Variants in GPHN observed in about 807,000 individuals in gnomAD.
The protein encoded by GPHN is gephyrin.
A neutral mutation model predicts 95.5 loss-of-function variants in GPHN; 17 were observed. That is an observed-to-expected ratio of 0.18 (90% confidence interval 0.12 to 0.27). The LOEUF is 0.27. GPHN is among the 10% of genes least tolerant of loss of function. The probability of loss-of-function intolerance (pLI) is 1.00; values close to 1 mark genes in which losing one functional copy is unlikely to be tolerated. For missense variants in GPHN, 660 were observed against 978.1 expected, an observed-to-expected ratio of 0.67 and a Z score of 4.34; for synonymous variants, 320 against 322.5, an observed-to-expected ratio of 0.99 and a Z score of 0.08.
intron 1 of GPHN, among the ~76,000 whole-genome samples, chr14:66,576,434 A>C (rs895777319): frequency 7.2e-5 from 11 of 151,898 alleles, no homozygotes; most frequent in African/African-American, 2.7e-4. Context: ...ATCATGTCTG[A>C]GCCACTTATT....
chr14:67,585,717 C>T, the GPHN span: 20 of 1,259,110 alleles, frequency 1.6e-5, no homozygotes, highest in Non-Finnish European at 4.5e-6. Context: ...TTTTCTTCTC[C>T]TCTGTGGACT....
intron 2 of GPHN, among the ~76,000 whole-genome samples, chr14:66,731,865 A>G (rs1293057771): frequency 1.3e-5 from 2 of 152,174 alleles, no homozygotes; most frequent in African/African-American, 4.8e-5. Context: ...GCCTTGGGAC[A>G]TGGTGCCTTG....
intron 17 of GPHN, among the ~76,000 whole-genome samples, chr14:67,128,077 C>G (rs2079441838): frequency 6.6e-6 from 1 of 152,164 alleles, no homozygotes; most frequent in East Asian, 1.9e-4. Context: ...TATGCTCATT[C>G]CCCTAAATAT....
chr14:67,180,942 C>T lies in GPHN; in HGVS notation c.*5C>T. 6.2e-7 allele frequency: 1 copy of T among 1,613,826 alleles called. No individual in the cohort carries two copies. Among genetic ancestry groups the T allele is most frequent in the Non-Finnish European group, 8.5e-7 (1 of 1,179,842 alleles). On this transcript the variant is annotated 3_prime_UTR_variant, in exon 23 of 23. Coordinates refer to ENST00000478722, the MANE Select transcript of GPHN (RefSeq NM_020806.5). Reference sequence around the variant, plus strand: ...ATGGTCATTGGACGGCTATGATGGTCACCAGCAGGAGAAAGCTTTGATGCA... The same window carrying T: ...ATGGTCATTGGACGGCTATGATGGTTACCAGCAGGAGAAAGCTTTGATGCA...
intron 2 of GPHN, among the ~76,000 whole-genome samples, chr14:66,772,151 T>C (rs182126677): frequency 6.6e-6 from 1 of 152,148 alleles, no homozygotes; most frequent in East Asian, 1.9e-4. Flanking sequence ...GTGTTGACCC[T>C]TGACTCCTCT....
At chr14:67,184,494 C>T (rs1203631059), downstream of GPHN, among the ~76,000 whole-genome samples, 2 of 152,026 alleles carry the variant, frequency 1.3e-5, no homozygotes, top group Non-Finnish European at 2.9e-5. Flanking sequence ...GGATACGTCT[C>T]TGGAGAGAAA....
the GPHN span, chr14:67,374,362 T>A: frequency 1.8e-6 from 1 of 567,756 alleles, no homozygotes; most frequent in Non-Finnish European, 3.1e-6. Context: ...TAGTAGGAAA[T>A]AATTATAAGT....
Position 66,949,410 on chromosome 14 carries a change from T to C in GPHN, c.829-15781T>C, listed in dbSNP as rs1440526189. On this transcript the variant is annotated intron_variant, in intron 8 of 22. Coordinates refer to ENST00000478722, the MANE Select transcript of GPHN (RefSeq NM_020806.5). ...ACTGCACCCAGCCTGTAATCAATCATTATTGTTAGTTCAGGTGCTGTATCA... is the reference window on the plus strand; with the variant it reads ...ACTGCACCCAGCCTGTAATCAATCACTATTGTTAGTTCAGGTGCTGTATCA... Among the ~76,000 whole-genome samples, 3 of 152,188 alleles carry C rather than the reference T, an allele frequency of 2.0e-5. No individual in the cohort carries two copies. In the East Asian group the frequency reaches 5.8e-4, roughly 29 times the overall value.
the GPHN span, chr14:67,579,711 C>T: frequency 6.2e-7 from 1 of 1,611,080 alleles, no homozygotes; most frequent in East Asian, 2.2e-5. Context: ...GAACTCTTCT[C>T]CCGCCTCAGG....
chr14:67,190,607 AT>A, the GPHN span, among the ~76,000 whole-genome samples: 2 of 152,158 alleles, frequency 1.3e-5, no homozygotes, highest in Non-Finnish European at 2.9e-5. Flanking sequence ...AATTGAGTAA[AT>A]TTTGGGGGAA....
At chr14:66,579,025 A>G (rs1342715368) in intron 1 of GPHN, among the ~76,000 whole-genome samples, 1 of 151,906 alleles carries the variant, frequency 6.6e-6, no homozygotes, top group African/African-American at 2.4e-5. Flanking sequence ...TACAATAATT[A>G]AGTGATATAC....
At chr14:66,968,984 A>T (rs1009416503) in intron 9 of GPHN, 1 of 149,082 alleles carries the variant, frequency 6.7e-6, no homozygotes, top group Admixed American at 6.7e-5. Flanking sequence ...CTATAGTGAG[A>T]ACAAAATCTA....
intron 1 of GPHN, among the ~76,000 whole-genome samples, chr14:66,636,180 A>G (rs1243983133): frequency 6.6e-6 from 1 of 152,170 alleles, no homozygotes; most frequent in African/African-American, 2.4e-5. Context: ...TAAGTACAAT[A>G]TTGGGACCCC....
At chr14:67,140,573 T>C (rs2080395006) in intron 17 of GPHN, among the ~76,000 whole-genome samples, 1 of 152,140 alleles carries the variant, frequency 6.6e-6, no homozygotes, top group Admixed American at 6.5e-5. Flanking sequence ...ATTACAAGGT[T>C]TGTAAAATTA....
chr14:66,889,344 T>C (rs7156655), intron 5 of GPHN, among the ~76,000 whole-genome samples: 47,261 of 152,076 alleles, frequency 0.31, 11,374 homozygotes, highest in African/African-American at 0.65. Context: ...CACATTAGGC[T>C]ACAAAATAAG....
At chr14:67,448,984 C>T in the GPHN span, among the ~76,000 whole-genome samples, 4 of 152,282 alleles carry the variant, frequency 2.6e-5, no homozygotes, top group African/African-American at 2.4e-5. Flanking sequence ...CCAAACTAGG[C>T]GTGGAAGGTG....
rs977848927 is a variant in GPHN, at chr14:66,553,584, C to CT, written c.64+45004dup. Among the ~76,000 whole-genome samples, 266 of 146,642 alleles carry CT rather than the reference C, an allele frequency of 1.8e-3. 3 individuals are homozygous for CT. The highest frequency in any genetic ancestry group is 3.5e-3 in the Middle Eastern group (1 of 286). On this transcript the variant is annotated intron_variant, in intron 1 of 22. Transcript: ENST00000478722. The stretch of plus-strand genomic sequence containing the variant: ...TAATATTTTAATTTTAATTATTGTA[C>CT]TTTTTTTTTTTGAGCCAGAGTCTCA...
intron 3 of GPHN, among the ~76,000 whole-genome samples, chr14:66,789,549 A>G (rs1467640776): frequency 1.3e-5 from 2 of 152,186 alleles, no homozygotes; most frequent in Non-Finnish European, 1.5e-5. Flanking sequence ...AGGGCCAGGA[A>G]AGCATGCAGT....
chr14:66,603,639 A>G (rs1286150704), intron 1 of GPHN, among the ~76,000 whole-genome samples: 4 of 151,960 alleles, frequency 2.6e-5, no homozygotes, highest in Non-Finnish European at 5.9e-5. Flanking sequence ...TTTAATTCTT[A>G]TATTGAATGT....
Sources: gnomAD v4.1 joint callset for allele counts (sites outside exome capture counted in the v4.1 genomes callset) on GRCh38, gnomAD v4.1.1 for gene constraint, MANE v1.5 for transcripts, NCBI Gene and HGNC (gene_info 2026-07-23, HGNC 2026-07-21) for gene names.